Variants in PPIG observed in about 807,000 individuals in gnomAD.
The protein encoded by PPIG is peptidylprolyl isomerase G.
A neutral mutation model predicts 87.9 loss-of-function variants in PPIG; 26 were observed. The observed-to-expected ratio is 0.30, with a 90% CI of 0.22 to 0.41. The LOEUF (loss-of-function observed/expected upper bound fraction) is 0.41. Ranked by LOEUF, PPIG falls within the 10% of genes least tolerant of loss-of-function variation. The pLI, the probability that PPIG is intolerant of heterozygous loss-of-function variation, is 1.00. For synonymous variants in PPIG, 308 were observed against 276.5 expected, an observed-to-expected ratio of 1.11 and a Z score of -1.13; for missense variants, 722 against 879.4, an observed-to-expected ratio of 0.82 and a Z score of 2.26.
At chr2:169,612,963 A>G (rs1004216119) in intron 7 of PPIG, among the ~76,000 whole-genome samples, 1 of 152,186 alleles carries the variant, frequency 6.6e-6, no homozygotes, top group African/African-American at 2.4e-5. Flanking sequence ...AGCAATGTAC[A>G]GGAGTTATTT....
At chr2:169,605,574 G>T (rs1685301950) in intron 4 of PPIG, among the ~76,000 whole-genome samples, 1 of 151,844 alleles carries the variant, frequency 6.6e-6, no homozygotes, top group Non-Finnish European at 1.5e-5. Context: ...GCCGAGGTGG[G>T]TGGATCACTT....
rs192130539 is a variant in PPIG at position 169,634,442 on chromosome 2, C to T, written c.1017+1195C>T. Among the ~76,000 whole-genome samples the T allele has an allele frequency of 2.6e-5, 4 of 152,250 alleles. No homozygotes were observed. In the East Asian group the frequency reaches 7.7e-4, roughly 29 times the overall value. ...ACACTGCATATACTCCTTGAGCAAT[C>T]TCATGACTCCCATGGCTGGTAACTG... On this transcript the variant is annotated intron_variant, in intron 12 of 13. Coordinates refer to ENST00000260970, the MANE Select transcript of PPIG (RefSeq NM_004792.3).
At chr2:169,635,616 G>T (rs1367848373) in intron 12 of PPIG, among the ~76,000 whole-genome samples, 3 of 152,104 alleles carry the variant, frequency 2.0e-5, no homozygotes, top group African/African-American at 7.2e-5. Context: ...CCTAAGGGTT[G>T]AATAAGTGAA....
chr2:169,623,091 A>G (rs753241305), intron 9 of PPIG, among the ~76,000 whole-genome samples: 2 of 152,002 alleles, frequency 1.3e-5, no homozygotes, highest in Non-Finnish European at 1.5e-5. Flanking sequence ...TTTTGTGACT[A>G]TTTGAGTGTG....
At chr2:169,596,277 G>T (rs1259235346) in intron 1 of PPIG, among the ~76,000 whole-genome samples, 2 of 151,434 alleles carry the variant, frequency 1.3e-5, no homozygotes, top group African/African-American at 4.9e-5. Flanking sequence ...GTGAATTTTT[G>T]TATTTTTAGT....
chr2:169,628,068 T>A (rs1418743393), intron 9 of PPIG, among the ~76,000 whole-genome samples: 1 of 152,146 alleles, frequency 6.6e-6, no homozygotes, highest in African/African-American at 2.4e-5. Context: ...ACCCACTCTG[T>A]CTCACCAGCA....
chr2:169,591,592 A>G (rs1372325835), intron 1 of PPIG, among the ~76,000 whole-genome samples: 1 of 152,136 alleles, frequency 6.6e-6, no homozygotes, highest in Non-Finnish European at 1.5e-5. Flanking sequence ...TAGATTCAGT[A>G]TATTATACTT....
intron 12 of PPIG, chr2:169,633,506 T>C: frequency 1.9e-6 from 1 of 532,982 alleles, no homozygotes; most frequent in Non-Finnish European, 3.2e-6. Context: ...CCCGTGTTTC[T>C]TGGCAATCAC....
At chr2:169,604,956 G>C (rs922336531) in intron 4 of PPIG, among the ~76,000 whole-genome samples, 12 of 152,060 alleles carry the variant, frequency 7.9e-5, no homozygotes, top group Non-Finnish European at 1.5e-4. Context: ...CCAGCACTTT[G>C]GGGGGCCGAG....
chr2:169,610,677 A>G (rs899230705), intron 7 of PPIG, among the ~76,000 whole-genome samples: 1 of 152,070 alleles, frequency 6.6e-6, no homozygotes, highest in Non-Finnish European at 1.5e-5. Flanking sequence ...CTGTTTGTAA[A>G]CATAAGCAAA....
chr2:169,620,738 G>A (rs1325492207), intron 9 of PPIG, among the ~76,000 whole-genome samples: 1 of 152,080 alleles, frequency 6.6e-6, no homozygotes, highest in Non-Finnish European at 1.5e-5. Flanking sequence ...TGTCTGAAAT[G>A]GTAAGAACTT....
intron 12 of PPIG, among the ~76,000 whole-genome samples, chr2:169,634,466 T>C (rs1003007081): frequency 6.6e-6 from 1 of 152,150 alleles, no homozygotes; most frequent in African/African-American, 2.4e-5. Context: ...GGCTGGTAAC[T>C]GTCAAATTTT....
chr2:169,615,346 C>G, intron 9 of PPIG, among the ~76,000 whole-genome samples: 1 of 152,158 alleles, frequency 6.6e-6, no homozygotes, highest in East Asian at 1.9e-4. Context: ...TGCACCTGGC[C>G]AGTGATTTTC....
intron 9 of PPIG, among the ~76,000 whole-genome samples, chr2:169,624,869 C>A (rs1048598099): frequency 6.6e-6 from 1 of 152,184 alleles, no homozygotes; most frequent in African/African-American, 2.4e-5. Flanking sequence ...GGATTACAGG[C>A]ATGAGCCACC....
chr2:169,611,515 C>T (rs1685487082), intron 7 of PPIG, among the ~76,000 whole-genome samples: 2 of 152,156 alleles, frequency 1.3e-5, no homozygotes, highest in African/African-American at 4.8e-5. Context: ...TTGTGCCTAT[C>T]ATTTGATGCA....
chr2:169,639,828 CT>C lies in PPIG; in HGVS notation c.*2308del, dbSNP rs1686272548. On this transcript the variant is annotated 3_prime_UTR_variant, in exon 14 of 14. Coordinates refer to ENST00000260970, the MANE Select transcript of PPIG (RefSeq NM_004792.3). Reference sequence around the variant, plus strand: ...TTGTTACATTTAGTAGTTGTGCCATCTTTAGTTTTTGCTTTGAACATTGTTT... The same window carrying C: ...TTGTTACATTTAGTAGTTGTGCCATCTTAGTTTTTGCTTTGAACATTGTTT... 6.6e-6 allele frequency: 1 copy of C among 152,100 alleles called. No individual in the cohort carries two copies. Among genetic ancestry groups the C allele is most frequent in the Non-Finnish European group, 1.5e-5 (1 of 67,978 alleles). The allele number at this position is 152,100 out of a possible 1,614,324, so 9.4% of individuals were successfully genotyped here.
rs549351292 is a variant in PPIG at position 169,639,178 on chromosome 2, G to T, written c.*1655G>T. 4 of 151,612 alleles carry T rather than the reference G, an allele frequency of 2.6e-5. No homozygotes were observed. The highest frequency in any genetic ancestry group is 4.8e-5 in the African/African-American group (2 of 41,300). The allele number at this position is 151,612 out of a possible 1,614,324, so 9.4% of individuals were successfully genotyped here. ...AATTCTTTCCAAAATTTTTTTTTCC[G>T]ATGATAAAAGTAGTAGATGTTTATT... On this transcript the variant is annotated 3_prime_UTR_variant, in exon 14 of 14. Transcript: ENST00000260970.
chr2:169,589,708 G>A (rs1203490761), intron 1 of PPIG, among the ~76,000 whole-genome samples: 2 of 152,074 alleles, frequency 1.3e-5, no homozygotes, highest in Non-Finnish European at 2.9e-5. Context: ...GTAGATCTAG[G>A]GAATGGGTTC....
rs1293391595 is a variant in PPIG at position 169,637,581 on chromosome 2, TAATG to T, written c.*62_*65del. The stretch of plus-strand genomic sequence containing the variant: ...CGGATTTTAAGTTTGAGAGACTTGC[TAATG>T]AATCTCCTTTATGTTGTTTTCCTTT... On this transcript the variant is annotated 3_prime_UTR_variant, in exon 14 of 14. Coordinates refer to ENST00000260970, the MANE Select transcript of PPIG (RefSeq NM_004792.3). The T allele has an allele frequency of 1.4e-6, 2 of 1,407,630 alleles. No individual in the cohort carries two copies. Among genetic ancestry groups the T allele is most frequent in the African/African-American group, 1.5e-5 (1 of 68,760 alleles). 87.2% of individuals were successfully genotyped at this position (1,407,630 alleles called of 1,614,324 possible).
Sources: gnomAD v4.1 joint callset for allele counts (sites outside exome capture counted in the v4.1 genomes callset) on GRCh38, gnomAD v4.1.1 for gene constraint, MANE v1.5 for transcripts, NCBI Gene and HGNC (gene_info 2026-07-23, HGNC 2026-07-21) for gene names.